TMEM163: variants seen among roughly 807,000 people sequenced by gnomAD.
TMEM163 encodes transmembrane protein 163.
In TMEM163, 17 loss-of-function variants were observed where a neutral mutation model predicts 29.3. That is an observed-to-expected ratio of 0.58 (90% CI 0.40 to 0.87). TMEM163 has a LOEUF of 0.87. Among genes scored for constraint, TMEM163 ranks in the 40% least tolerant of loss-of-function variants. The pLI is 0.00. For synonymous variants in TMEM163, 157 were observed against 160.6 expected, an observed-to-expected ratio of 0.98 and a Z score of 0.17; for missense variants, 303 against 381.5, an observed-to-expected ratio of 0.79 and a Z score of 1.71.
chr2:134,477,491 T>C (rs1170501392), intron 5 of TMEM163, among the ~76,000 whole-genome samples: 1 of 152,184 alleles, frequency 6.6e-6, no homozygotes, highest in Non-Finnish European at 1.5e-5. Context: ...GTGTTTAGTA[T>C]GTATCATAGC....
At chr2:134,665,391 C>T (rs1683853152) in intron 2 of TMEM163, among the ~76,000 whole-genome samples, 1 of 152,168 alleles carries the variant, frequency 6.6e-6, no homozygotes, top group Non-Finnish European at 1.5e-5. Flanking sequence ...GAGACTTATT[C>T]ACTATCATGA....
chr2:134,690,364 T>G (rs1684439894), intron 2 of TMEM163, among the ~76,000 whole-genome samples: 2 of 151,698 alleles, frequency 1.3e-5, no homozygotes, highest in South Asian at 4.2e-4. Flanking sequence ...TGGCTCACTG[T>G]AACCTCCACC....
At chr2:134,600,796 C>A (rs1003070783) in intron 2 of TMEM163, among the ~76,000 whole-genome samples, 1 of 152,186 alleles carries the variant, frequency 6.6e-6, no homozygotes, top group Non-Finnish European at 1.5e-5. Flanking sequence ...GAAGTCCTAA[C>A]CATGACTGCA....
chr2:134,713,991 G>A (rs1047430461), intron 1 of TMEM163, among the ~76,000 whole-genome samples: 1 of 152,076 alleles, frequency 6.6e-6, no homozygotes, highest in African/African-American at 2.4e-5. Context: ...TATTAAAGTG[G>A]GGCAAACCTA....
intron 2 of TMEM163, among the ~76,000 whole-genome samples, chr2:134,606,612 G>A (rs891329206): frequency 6.6e-6 from 1 of 152,198 alleles, no homozygotes; most frequent in African/African-American, 2.4e-5. Flanking sequence ...GAAGACAGGG[G>A]CTGTGCCTCC....
At chr2:134,488,704 T>A (rs1679367225) in intron 5 of TMEM163, among the ~76,000 whole-genome samples, 1 of 152,144 alleles carries the variant, frequency 6.6e-6, no homozygotes, top group African/African-American at 2.4e-5. Flanking sequence ...GTTCTGTCCC[T>A]CTAGAGAACC....
At chr2:134,554,467 G>A (rs1448434130) in intron 2 of TMEM163, among the ~76,000 whole-genome samples, 3 of 146,410 alleles carry the variant, frequency 2.0e-5, no homozygotes, top group Non-Finnish European at 4.5e-5. Context: ...GAGAAATGCT[G>A]CCACCGGGCT....
At chr2:134,647,924 C>G (rs1489654360) in intron 2 of TMEM163, among the ~76,000 whole-genome samples, 2 of 152,182 alleles carry the variant, frequency 1.3e-5, no homozygotes, top group African/African-American at 4.8e-5. Flanking sequence ...GTGCCCACGA[C>G]CCCTGAAGCC....
intron 2 of TMEM163, among the ~76,000 whole-genome samples, chr2:134,608,710 G>T (rs1682419418): frequency 1.1e-5 from 1 of 94,036 alleles, no homozygotes; most frequent in Non-Finnish European, 2.3e-5. Flanking sequence ...CTGGTGAAAA[G>T]GACAGACCCC....
intron 2 of TMEM163, among the ~76,000 whole-genome samples, chr2:134,617,556 C>T (rs1172953903): frequency 5.3e-5 from 8 of 150,124 alleles, no homozygotes; most frequent in Non-Finnish European, 1.0e-4. Flanking sequence ...GAGCCAAGAT[C>T]GTGCCACTGC....
intron 2 of TMEM163, among the ~76,000 whole-genome samples, chr2:134,702,681 A>G (rs1437947071): frequency 1.3e-5 from 2 of 151,966 alleles, no homozygotes; most frequent in African/African-American, 4.8e-5. Flanking sequence ...AAAATAAAAA[A>G]AATTTTCAAA....
chr2:134,461,759 A>AGCATCAGCCTGGCCC (rs1686543165), intron 6 of TMEM163, among the ~76,000 whole-genome samples: 1 of 152,312 alleles, frequency 6.6e-6, no homozygotes, highest in Admixed American at 6.5e-5. Flanking sequence ...GTGAGCTGGC[A>AGCATCAGCCTGGCCC]GCATCAGCCT....
intron 2 of TMEM163, among the ~76,000 whole-genome samples, chr2:134,563,327 C>A (rs1574240559): frequency 6.6e-6 from 1 of 152,308 alleles, no homozygotes; most frequent in East Asian, 1.9e-4. Flanking sequence ...TCCCTGCATG[C>A]CTGGTTCTCC....
chr2:134,518,397 A>G (rs1429875676), intron 4 of TMEM163, among the ~76,000 whole-genome samples: 1 of 152,218 alleles, frequency 6.6e-6, no homozygotes, highest in African/African-American at 2.4e-5. Context: ...CAAGTAAAAG[A>G]TCACAATCAC....
chr2:134,473,911 C>T (rs968308252), intron 5 of TMEM163, among the ~76,000 whole-genome samples: 1 of 152,168 alleles, frequency 6.6e-6, no homozygotes, highest in Non-Finnish European at 1.5e-5. Context: ...AATGCTTTTA[C>T]TGGCAAATCT....
intron 4 of TMEM163, among the ~76,000 whole-genome samples, chr2:134,548,995 A>G (rs1277423821): frequency 6.6e-6 from 1 of 152,058 alleles, no homozygotes; most frequent in Non-Finnish European, 1.5e-5. Context: ...TTTAAAAGTC[A>G]GTTTACTACT....
chr2:134,565,075 T>A (rs1032810946), intron 2 of TMEM163, among the ~76,000 whole-genome samples: 1 of 151,230 alleles, frequency 6.6e-6, no homozygotes, highest in East Asian at 2.0e-4. Context: ...TGATCTCTAC[T>A]AAAAGTACAA....
chr2:134,501,060 A>T (rs1415157563), intron 5 of TMEM163, among the ~76,000 whole-genome samples: 2 of 152,218 alleles, frequency 1.3e-5, no homozygotes, highest in African/African-American at 4.8e-5. Flanking sequence ...TAATTACCCT[A>T]ATCTGGTCAC....
rs149905194 is a variant in TMEM163, at chr2:134,668,180, G to A, written c.322+45020C>T. Among the ~76,000 whole-genome samples the A allele has an allele frequency of 1.9e-4, 29 of 152,274 alleles. No homozygotes were observed. In the East Asian group the frequency reaches 3.5e-3, roughly 18 times the overall value. On this transcript the variant is annotated intron_variant, in intron 2 of 7. Transcript: ENST00000281924. ...TACTAAGAACACAAAATGAAAAACC[G>A]AAACTCAAAAGAGTTGTCCATCAGA... is the stretch of plus-strand genomic sequence containing the variant.
Sources: gnomAD v4.1 joint callset for allele counts (sites outside exome capture counted in the v4.1 genomes callset) on GRCh38, gnomAD v4.1.1 for gene constraint, MANE v1.5 for transcripts, NCBI Gene and HGNC (gene_info 2026-07-23, HGNC 2026-07-21) for gene names.